The following RNF2 variants were observed in gnomAD, a reference collection of about 807,000 sequenced individuals.
The protein encoded by RNF2 is ring finger protein 2.
A neutral mutation model predicts 37.2 loss-of-function variants in RNF2; 6 were observed. The observed-to-expected ratio is 0.16, with a 90% CI of 0.09 to 0.32. The LOEUF is 0.32. Ranked by LOEUF, RNF2 falls within the 10% of genes least tolerant of loss-of-function variation. The pLI is 1.00. For missense variants in RNF2, 251 were observed against 404.0 expected, an observed-to-expected ratio of 0.62 and a Z score of 3.25; for synonymous variants, 133 against 132.7, an observed-to-expected ratio of 1.00 and a Z score of -0.02.
chr1:185,054,282 C>T lies in RNF2; in HGVS notation c.-3+8633C>T, dbSNP rs554584487. Among the ~76,000 whole-genome samples the T allele has an allele frequency of 2.0e-3, 306 of 152,278 alleles. 5 individuals are homozygous for T. In the South Asian group the frequency reaches 0.032, roughly 16 times the overall value. On this transcript the variant is annotated intron_variant, in intron 1 of 6. Coordinates refer to ENST00000367510, the MANE Select transcript of RNF2 (RefSeq NM_007212.4). Reference sequence around the variant, plus strand: ...CTAATCTGATGGCGGAAAACGAACCCCCAGTTTACAGGTAAGGAAATGGCG... The same window carrying T: ...CTAATCTGATGGCGGAAAACGAACCTCCAGTTTACAGGTAAGGAAATGGCG...
chr1:185,058,168 A>G (rs1650490533), intron 1 of RNF2, among the ~76,000 whole-genome samples: 1 of 152,228 alleles, frequency 6.6e-6, no homozygotes, highest in African/African-American at 2.4e-5. Context: ...CAGTCTAGCA[A>G]CTAGTTACAT....
chr1:185,054,773 C>CT (rs1650382728), intron 1 of RNF2, among the ~76,000 whole-genome samples: 1 of 152,220 alleles, frequency 6.6e-6, no homozygotes, highest in Non-Finnish European at 1.5e-5. Flanking sequence ...TCTCAGCTCA[C>CT]TGCATCCTCC....
At chr1:185,063,712 G>T (rs751197296) in intron 1 of RNF2, among the ~76,000 whole-genome samples, 4 of 152,214 alleles carry the variant, frequency 2.6e-5, no homozygotes, top group Non-Finnish European at 5.9e-5. Flanking sequence ...GGTCTGTGAC[G>T]TTTCTGGAGT....
chr1:185,052,168 C>G (rs954323829), intron 1 of RNF2, among the ~76,000 whole-genome samples: 6 of 152,056 alleles, frequency 3.9e-5, no homozygotes, highest in African/African-American at 1.5e-4. Flanking sequence ...CCTCCCATTC[C>G]TCTTCGGAGA....
chr1:185,091,623 T>A lies in RNF2; in HGVS notation c.132T>A (p.Ser44Arg). ...TAGAAATTGTGGTTTCACCTCGAAG[T>A]CTACACAGTGAATTAATGTGCCCAA... ...DGLEIVVSPR[S>R]LHSELMCPIC... Residue 44 changes from serine to arginine, a missense_variant, in exon 3 of 7, where the codon AGT becomes AGA. Ser to Arg is a moderately radical substitution (Grantham distance 110, BLOSUM62 -1). Coordinates refer to ENST00000367510, the MANE Select transcript of RNF2 (RefSeq NM_007212.4). The A allele has an allele frequency of 6.2e-7, 1 of 1,614,132 alleles. No individual in the cohort carries two copies. Among genetic ancestry groups the A allele is most frequent in the Non-Finnish European group, 8.5e-7 (1 of 1,180,010 alleles).
At chr1:185,097,397 A>C (rs1651943069) in intron 4 of RNF2, among the ~76,000 whole-genome samples, 1 of 152,200 alleles carries the variant, frequency 6.6e-6, no homozygotes, top group African/African-American at 2.4e-5. Flanking sequence ...AATTTCTTTA[A>C]AGAGGCATAA....
intron 1 of RNF2, among the ~76,000 whole-genome samples, chr1:185,072,698 T>A (rs1241711732): frequency 2.0e-5 from 3 of 152,144 alleles, no homozygotes; most frequent in Non-Finnish European, 4.4e-5. Context: ...CCCAGCACTT[T>A]GGGAGGCTGA....
At chr1:185,089,550 C>T (rs1304064087) in intron 2 of RNF2, among the ~76,000 whole-genome samples, 1 of 152,028 alleles carries the variant, frequency 6.6e-6, no homozygotes, top group African/African-American at 2.4e-5. Context: ...GGTGCATTCT[C>T]ATCATTGGTT....
intron 1 of RNF2, among the ~76,000 whole-genome samples, chr1:185,049,483 C>A (rs1370205843): frequency 6.6e-6 from 1 of 152,040 alleles, no homozygotes; most frequent in East Asian, 1.9e-4. Context: ...TCACGTTATC[C>A]TTTATGAAAT....
At chr1:185,068,367 T>C (rs1557963820) in intron 1 of RNF2, among the ~76,000 whole-genome samples, 1 of 152,214 alleles carries the variant, frequency 6.6e-6, no homozygotes, top group Non-Finnish European at 1.5e-5. Context: ...AAAAGGTTCT[T>C]TGCATGTGTA....
intron 3 of RNF2, chr1:185,092,141 T>A (rs1217530566): frequency 6.4e-6 from 1 of 157,316 alleles, no homozygotes; most frequent in African/African-American, 2.4e-5. Flanking sequence ...GAAATACATT[T>A]CCTTTCCTTT....
At chr1:185,096,993 T>C (rs886117011) in intron 4 of RNF2, among the ~76,000 whole-genome samples, 6 of 152,312 alleles carry the variant, frequency 3.9e-5, no homozygotes, top group Admixed American at 1.3e-4. Context: ...TTTTTTCTTA[T>C]CTATACAGGT....
At chr1:185,053,350 T>A (rs1024990938) in intron 1 of RNF2, among the ~76,000 whole-genome samples, 1 of 151,926 alleles carries the variant, frequency 6.6e-6, no homozygotes, top group Non-Finnish European at 1.5e-5. Flanking sequence ...CTTTTTTTTT[T>A]TAAGAGACAG....
At chr1:185,077,409 G>A (rs1651201263) in intron 1 of RNF2, among the ~76,000 whole-genome samples, 1 of 151,748 alleles carries the variant, frequency 6.6e-6, no homozygotes, top group Non-Finnish European at 1.5e-5. Flanking sequence ...TTTTTTAACA[G>A]GAATGTGTCA....
intron 1 of RNF2, among the ~76,000 whole-genome samples, chr1:185,077,517 A>C (rs1261464917): frequency 6.6e-6 from 1 of 152,096 alleles, no homozygotes; most frequent in Admixed American, 6.6e-5. Context: ...TTTTATTAGA[A>C]ATAGTTTATT....
At chr1:185,078,873 C>T (rs892664559) in intron 1 of RNF2, among the ~76,000 whole-genome samples, 1 of 152,134 alleles carries the variant, frequency 6.6e-6, no homozygotes, top group African/African-American at 2.4e-5. Flanking sequence ...GGTGAAACCT[C>T]GTCTCTACTA....
chr1:185,087,940 A>G (rs1003361435), intron 2 of RNF2, among the ~76,000 whole-genome samples: 3 of 152,214 alleles, frequency 2.0e-5, no homozygotes, highest in African/African-American at 7.2e-5. Flanking sequence ...GAGAAGTTGT[A>G]GAAAGTTGGG....
chr1:185,063,485 ATT>A (rs1557962080), intron 1 of RNF2, among the ~76,000 whole-genome samples: 1 of 152,220 alleles, frequency 6.6e-6, no homozygotes, highest in East Asian at 1.9e-4. Context: ...AGATAAGACT[ATT>A]GAGCAAATAA....
At chr1:185,098,560 G>A (rs1240252260) in intron 5 of RNF2, among the ~76,000 whole-genome samples, 1 of 152,108 alleles carries the variant, frequency 6.6e-6, no homozygotes, top group African/African-American at 2.4e-5. Context: ...CCTTGGTAGA[G>A]AAGGTAAAGG....
Sources: allele counts gnomAD v4.1 joint callset (sites outside exome capture counted in the v4.1 genomes callset), GRCh38; gene constraint gnomAD v4.1.1; transcripts MANE v1.5; gene names NCBI Gene and HGNC (gene_info 2026-07-23, HGNC 2026-07-21).